Variants in PALLD observed in about 807,000 individuals in gnomAD.
The protein encoded by PALLD is palladin.
In PALLD, 61 loss-of-function variants were observed where a neutral mutation model predicts 123.5. That is an observed-to-expected ratio of 0.49 (90% CI 0.40 to 0.61). The LOEUF (loss-of-function observed/expected upper bound fraction) is 0.61, where lower values mean the gene tolerates loss of function less well. Among genes scored for constraint, PALLD ranks in the 20% least tolerant of loss-of-function variants. PALLD has a pLI of 0.00. For synonymous variants in PALLD, 465 were observed against 496.4 expected, an observed-to-expected ratio of 0.94 and a Z score of 0.84; for missense variants, 1,273 against 1,377.0, an observed-to-expected ratio of 0.92 and a Z score of 1.20.
At chr4:168,514,516 G>A (rs543217228) in intron 2 of PALLD, among the ~76,000 whole-genome samples, 5 of 152,066 alleles carry the variant, frequency 3.3e-5, no homozygotes, top group Non-Finnish European at 5.9e-5. Context: ...TAAATATGTC[G>A]TTCTAAATTC....
At chr4:168,577,786 C>G (rs1455894172) in intron 2 of PALLD, among the ~76,000 whole-genome samples, 1 of 147,992 alleles carries the variant, frequency 6.8e-6, no homozygotes, top group East Asian at 1.9e-4. Context: ...GCCACCAGTT[C>G]CAGGGACTTT....
At chr4:168,798,736 T>G (rs1738871243) in intron 10 of PALLD, among the ~76,000 whole-genome samples, 1 of 152,208 alleles carries the variant, frequency 6.6e-6, no homozygotes, top group Non-Finnish European at 1.5e-5. Context: ...TGCTGAAATG[T>G]TTTAAATTTT....
intron 10 of PALLD, among the ~76,000 whole-genome samples, chr4:168,729,640 C>T (rs1047753663): frequency 6.6e-6 from 1 of 152,168 alleles, no homozygotes; most frequent in African/African-American, 2.4e-5. Context: ...ACATCATTCT[C>T]GTGTACTTTT....
chr4:168,872,778 T>C (rs1751255415), intron 10 of PALLD, among the ~76,000 whole-genome samples: 1 of 152,244 alleles, frequency 6.6e-6, no homozygotes, highest in African/African-American at 2.4e-5. Context: ...TTGTTAGATA[T>C]TGACCTTCAT....
chr4:168,685,584 T>C (rs1209292031), intron 6 of PALLD, 25 bp downstream of exon 6: 1 of 1,490,660 alleles, frequency 6.7e-7, no homozygotes, highest in East Asian at 2.3e-5. Context: ...AGTCTCATTC[T>C]CTGTGTTTGC....
intron 2 of PALLD, among the ~76,000 whole-genome samples, chr4:168,548,411 C>G (rs1286959036): frequency 1.3e-5 from 2 of 150,404 alleles, no homozygotes; most frequent in Admixed American, 1.3e-4. Context: ...ATTATCTTTA[C>G]ACTTCTTTGT....
chr4:168,841,866 G>A (rs1268944236), intron 10 of PALLD, among the ~76,000 whole-genome samples: 3 of 152,140 alleles, frequency 2.0e-5, no homozygotes, highest in African/African-American at 7.2e-5. Context: ...AAATCTCTCA[G>A]CATATATTTC....
chr4:168,833,679 A>G (rs2133911), intron 10 of PALLD, among the ~76,000 whole-genome samples: 52,038 of 151,362 alleles, frequency 0.34, 10,171 homozygotes, highest in Middle Eastern at 0.45. Flanking sequence ...TAGCCAGAGA[A>G]TTGTCCAGGG....
At chr4:168,804,685 A>C (rs1487002585) in intron 10 of PALLD, among the ~76,000 whole-genome samples, 1 of 152,238 alleles carries the variant, frequency 6.6e-6, no homozygotes, top group East Asian at 1.9e-4. Flanking sequence ...GGAAATTAGT[A>C]TTTCTGTTGG....
intron 2 of PALLD, among the ~76,000 whole-genome samples, chr4:168,637,500 T>TAAA (rs113307520): frequency 1.2e-4 from 18 of 145,364 alleles, no homozygotes; most frequent in South Asian, 2.2e-4. Flanking sequence ...ACTTTTTATT[T>TAAA]AAAAAAAAAA....
chr4:168,761,658 T>TTTTTTTTTTTTTTTTTTTTTTTTTTTTG (rs1732924246), intron 10 of PALLD, among the ~76,000 whole-genome samples: 18 of 43,064 alleles, frequency 4.2e-4, no homozygotes, highest in Non-Finnish European at 8.0e-4. Context: ...TTTTTTTTTT[T>TTTTTTTTTTTTTTTTTTTTTTTTTTTTG]TTTTTTTTTT....
At chr4:168,610,022 A>G (rs191481327) in intron 2 of PALLD, among the ~76,000 whole-genome samples, 3 of 152,310 alleles carry the variant, frequency 2.0e-5, no homozygotes, top group East Asian at 3.9e-4. Context: ...CATTCGATCC[A>G]TTTATGATAT....
At chr4:168,819,470 A>G (rs1424554053) in intron 10 of PALLD, among the ~76,000 whole-genome samples, 2 of 152,132 alleles carry the variant, frequency 1.3e-5, no homozygotes, top group Non-Finnish European at 2.9e-5. Context: ...GAGAAGATTC[A>G]GAGCACCTGC....
At chr4:168,759,128 G>A (rs1456553887) in intron 10 of PALLD, among the ~76,000 whole-genome samples, 3 of 138,502 alleles carry the variant, frequency 2.2e-5, no homozygotes, top group East Asian at 2.2e-4. Flanking sequence ...GCAGTGAGCC[G>A]AGATCGTGCC....
chr4:168,706,042 T>C (rs1211552735), intron 8 of PALLD, among the ~76,000 whole-genome samples: 1 of 152,178 alleles, frequency 6.6e-6, no homozygotes, highest in African/African-American at 2.4e-5. Context: ...TCTACCTTCT[T>C]AAATTTTTAA....
chr4:168,618,014 A>C (rs994185461), intron 2 of PALLD, among the ~76,000 whole-genome samples: 2 of 152,228 alleles, frequency 1.3e-5, no homozygotes, highest in African/African-American at 4.8e-5. Context: ...TTGCAAAGAA[A>C]TCATCAGTAA....
At chr4:168,566,857 A>T (rs938096178) in intron 2 of PALLD, among the ~76,000 whole-genome samples, 11 of 152,164 alleles carry the variant, frequency 7.2e-5, no homozygotes, top group Non-Finnish European at 1.6e-4. Flanking sequence ...TGAACACATG[A>T]TGAGGTGTTT....
chr4:168,611,101 C>T (rs1773684181), intron 2 of PALLD, among the ~76,000 whole-genome samples: 1 of 152,154 alleles, frequency 6.6e-6, no homozygotes, highest in Admixed American at 6.5e-5. Flanking sequence ...CTGACTGGAC[C>T]CTTGGTCACT....
chr4:168,650,414 G>A lies in PALLD; in HGVS notation c.909-17776G>A, dbSNP rs193014929. On this transcript the variant is annotated intron_variant, in intron 2 of 21. Transcript: ENST00000505667. ...TCTACGATGTGTTGTTGACAGCTGC[G>A]TCTAACATTCTTTTTAAAGATTGCA... Among the ~76,000 whole-genome samples, 1,402 of 152,226 alleles carry A rather than the reference G, an allele frequency of 9.2e-3. 21 individuals carry two copies. Among genetic ancestry groups the A allele is most frequent in the African/African-American group, 0.032 (1,337 of 41,538 alleles).
Sources: allele counts gnomAD v4.1 joint callset (sites outside exome capture counted in the v4.1 genomes callset), GRCh38; gene constraint gnomAD v4.1.1; transcripts MANE v1.5; gene names NCBI Gene and HGNC (gene_info 2026-07-23, HGNC 2026-07-21).